The following PXDNL variants were observed in gnomAD, a reference collection of about 807,000 sequenced individuals.
PXDNL encodes peroxidasin like.
In PXDNL, 145 loss-of-function variants were observed where a neutral mutation model predicts 150.8. The ratio of observed to expected loss-of-function variants is 0.96; its 90% CI spans 0.84 to 1.10. PXDNL has a LOEUF of 1.10. Ranked by LOEUF, PXDNL falls within the 50% of genes least tolerant of loss-of-function variation. The probability of loss-of-function intolerance (pLI) is 0.00; values close to 1 mark genes in which losing one functional copy is unlikely to be tolerated. For missense variants in PXDNL, 2,087 were observed against 1,873.9 expected, an observed-to-expected ratio of 1.11 and a Z score of -2.10; for synonymous variants, 757 against 725.7, an observed-to-expected ratio of 1.04 and a Z score of -0.69.
In PXDNL at chr8:51,809,327, G is replaced by A. The variant is rs755089091; in HGVS notation, c.18C>T (p.Phe6=). 12 of 1,560,310 alleles carry A rather than the reference G, an allele frequency of 7.7e-6. No individual in the cohort carries two copies. The African/African-American group carries it at 9.5e-5, about 12-fold the overall frequency. The change falls in exon 1 of 23, where the codon TTC becomes TTT. Residue 6 remains phenylalanine (F), a synonymous_variant. Coordinates refer to ENST00000356297, the MANE Select transcript of PXDNL (RefSeq NM_144651.5). ...CCAGGAGAAAGAGAGTGGTCCAGCA[G>A]AACAGTCTGGGCTCCATCGCTCCAT... The part of the protein sequence containing the change: MEPRL[F]CWTTLFLLAG...
chr8:51,379,524 G>A (rs140122553), intron 17 of PXDNL, among the ~76,000 whole-genome samples: 1,827 of 150,910 alleles, frequency 0.012, 39 homozygotes, highest in African/African-American at 0.042. Context: ...TTTTTAATTG[G>A]GTTTTTTTTT....
intron 20 of PXDNL, among the ~76,000 whole-genome samples, chr8:51,341,251 C>A (rs1805977320): frequency 6.6e-6 from 1 of 152,150 alleles, no homozygotes; most frequent in African/African-American, 2.4e-5. Flanking sequence ...TTATAGGCAA[C>A]AATACTACAT....
intron 17 of PXDNL, among the ~76,000 whole-genome samples, chr8:51,407,207 AATACATT>A (rs1411339105): frequency 6.6e-6 from 1 of 152,298 alleles, no homozygotes; most frequent in East Asian, 1.9e-4. Flanking sequence ...ATTTCTTTTA[AATACATT>A]ACACATTTTC....
intron 12 of PXDNL, among the ~76,000 whole-genome samples, chr8:51,440,287 G>C (rs1044502793): frequency 6.6e-6 from 1 of 152,042 alleles, no homozygotes; most frequent in African/African-American, 2.4e-5. Flanking sequence ...GGAAAGGATG[G>C]GAGGGTGGTG....
chr8:51,617,955 G>A (rs1814164078), intron 2 of PXDNL, among the ~76,000 whole-genome samples: 1 of 152,230 alleles, frequency 6.6e-6, no homozygotes, highest in Non-Finnish European at 1.5e-5. Context: ...GGTCTTCCGT[G>A]ACAGCCTTGC....
At chr8:51,775,064 T>C (rs965918246) in intron 1 of PXDNL, among the ~76,000 whole-genome samples, 8 of 152,314 alleles carry the variant, frequency 5.3e-5, no homozygotes, top group African/African-American at 1.4e-4. Flanking sequence ...CTAAGTATAA[T>C]GTAGTGGGTT....
intron 2 of PXDNL, among the ~76,000 whole-genome samples, chr8:51,629,005 G>A (rs1214344247): frequency 6.6e-6 from 1 of 152,026 alleles, no homozygotes; most frequent in Non-Finnish European, 1.5e-5. Context: ...AGTTTGTCCA[G>A]TTTGCAAAAG....
At chr8:51,352,182 A>G (rs1247185716) in intron 19 of PXDNL, among the ~76,000 whole-genome samples, 5 of 152,168 alleles carry the variant, frequency 3.3e-5, no homozygotes, top group African/African-American at 1.2e-4. Flanking sequence ...TGTAGTATGG[A>G]GATTTTGCAA....
At chr8:51,671,660 C>A (rs909641821) in intron 1 of PXDNL, among the ~76,000 whole-genome samples, 11 of 152,076 alleles carry the variant, frequency 7.2e-5, no homozygotes, top group African/African-American at 2.7e-4. Flanking sequence ...CCAGACTGCT[C>A]CCCCAGGACT....
At chr8:51,442,210 A>T (rs547160535) in intron 12 of PXDNL, among the ~76,000 whole-genome samples, 1 of 151,592 alleles carries the variant, frequency 6.6e-6, no homozygotes, top group East Asian at 1.9e-4. Flanking sequence ...ATAAAATGGA[A>T]CAAATTTGTG....
At chr8:51,446,821 A>G (rs1228814841) in intron 12 of PXDNL, among the ~76,000 whole-genome samples, 183 bp downstream of exon 12, 1 of 152,152 alleles carries the variant, frequency 6.6e-6, no homozygotes, top group Non-Finnish European at 1.5e-5. Flanking sequence ...TGAAAATAGA[A>G]TTCTAAAAAC....
At chr8:51,614,295 G>T (rs1330552477) in intron 2 of PXDNL, among the ~76,000 whole-genome samples, 2 of 152,122 alleles carry the variant, frequency 1.3e-5, no homozygotes, top group Non-Finnish European at 2.9e-5. Context: ...TGGCCTAAAG[G>T]TTTCTTCGTA....
intron 21 of PXDNL, among the ~76,000 whole-genome samples, chr8:51,321,553 T>C (rs1805315557): frequency 6.6e-6 from 1 of 151,938 alleles, no homozygotes; most frequent in Non-Finnish European, 1.5e-5. Context: ...ATTTCCCCCA[T>C]GCTGTTCTCG....
intron 4 of PXDNL, among the ~76,000 whole-genome samples, chr8:51,534,428 T>C: frequency 8.8e-6 from 1 of 113,260 alleles, no homozygotes. Flanking sequence ...CCGCCCCTAC[T>C]GGGAAGTGAG....
At chr8:51,803,505 T>C (rs1014781806) in intron 1 of PXDNL, among the ~76,000 whole-genome samples, 4 of 152,162 alleles carry the variant, frequency 2.6e-5, no homozygotes, top group Non-Finnish European at 4.4e-5. Context: ...CCTCGAGCTC[T>C]GACAGATGTG....
At chr8:51,760,967 T>C (rs1347748806) in intron 1 of PXDNL, among the ~76,000 whole-genome samples, 1 of 143,002 alleles carries the variant, frequency 7.0e-6, no homozygotes, top group African/African-American at 2.7e-5. Flanking sequence ...CACGCCATTC[T>C]CCTGCCTCAG....
At chr8:51,370,252 T>G (rs1586042621) in intron 19 of PXDNL, among the ~76,000 whole-genome samples, 1 of 152,198 alleles carries the variant, frequency 6.6e-6, no homozygotes, top group African/African-American at 2.4e-5. Flanking sequence ...TGTGTCAGTA[T>G]GGGCACGCAG....
chr8:51,637,468 AT>A (rs1408115677), intron 2 of PXDNL, among the ~76,000 whole-genome samples: 1 of 152,182 alleles, frequency 6.6e-6, no homozygotes, highest in Non-Finnish European at 1.5e-5. Flanking sequence ...GATTAGACGA[AT>A]GGCTAACTAG....
chr8:51,473,559 A>G (rs1810398599), intron 7 of PXDNL, among the ~76,000 whole-genome samples: 1 of 152,112 alleles, frequency 6.6e-6, no homozygotes, highest in Admixed American at 6.6e-5. Flanking sequence ...AGAACTTCCA[A>G]GAATGGAGAA....
Sources: allele counts gnomAD v4.1 joint callset (sites outside exome capture counted in the v4.1 genomes callset), GRCh38; gene constraint gnomAD v4.1.1; transcripts MANE v1.5; gene names NCBI Gene and HGNC (gene_info 2026-07-23, HGNC 2026-07-21).